NAALADL2: variants seen among roughly 807,000 people sequenced by gnomAD.
NAALADL2 encodes the protein inactive N-acetylated-alpha-linked acidic dipeptidase-like protein 2.
NAALADL2 carries 76 observed loss-of-function variants against 87.2 expected under a neutral mutation model. The observed-to-expected ratio is 0.87, with a 90% confidence interval of 0.72 to 1.05. NAALADL2 has a LOEUF of 1.05. Ranked by LOEUF, NAALADL2 falls within the 50% of genes least tolerant of loss-of-function variation. The pLI, the probability that NAALADL2 is intolerant of heterozygous loss-of-function variation, is 0.00. For missense variants in NAALADL2, 1,089 were observed against 945.8 expected (o/e 1.15, Z -1.99); for synonymous variants, 354 against 331.0 (o/e 1.07, Z -0.75).
At chr3:175,372,232 A>G (rs1180304316) in intron 5 of NAALADL2, among the ~76,000 whole-genome samples, 1 of 152,156 alleles carries the variant, frequency 6.6e-6, no homozygotes, top group Non-Finnish European at 1.5e-5. Flanking sequence ...AAGCTCCATC[A>G]TTACATTTTT....
chr3:174,452,904 T>C lies in NAALADL2; in HGVS notation c.-184+11872T>C, dbSNP rs994965990. 2.0e-5 allele frequency among the ~76,000 whole-genome samples: 3 copies of C among 152,160 alleles called. No individual in the cohort carries two copies. The South Asian group carries it at 6.2e-4, about 32-fold the overall frequency. Reference sequence around the variant, plus strand: ...CTTTTCTCCATATGATCACACTAGCTCTCCAGCAAGCGTTCTGAACTGGGA... The same window carrying C: ...CTTTTCTCCATATGATCACACTAGCCCTCCAGCAAGCGTTCTGAACTGGGA... On this transcript the variant is annotated intron_variant, in intron 1 of 3. Coordinates refer to the NAALADL2 transcript ENST00000434257.
chr3:175,111,395 T>C (rs1374737924), intron 2 of NAALADL2, among the ~76,000 whole-genome samples: 1 of 151,642 alleles, frequency 6.6e-6, no homozygotes, highest in Non-Finnish European at 1.5e-5. Flanking sequence ...TTTTTGGGTA[T>C]TAATATAACT....
intron 1 of NAALADL2, chr3:175,079,568 G>A (rs999294747): frequency 4.6e-5 from 7 of 152,110 alleles, no homozygotes; most frequent in Non-Finnish European, 7.4e-5. Context: ...TTGGATAAAG[G>A]CATCCAAATT....
chr3:175,005,648 A>G (rs1748907865), intron 1 of NAALADL2, among the ~76,000 whole-genome samples: 2 of 152,350 alleles, frequency 1.3e-5, no homozygotes, highest in South Asian at 2.1e-4. Context: ...ACACTCCTAT[A>G]TTATGAAATG....
At chr3:174,802,508 G>C (rs570879578) in intron 3 of NAALADL2, among the ~76,000 whole-genome samples, 1 of 152,212 alleles carries the variant, frequency 6.6e-6, no homozygotes. Context: ...TATACTTTAA[G>C]TTCTAGGGTA....
chr3:175,732,646 G>T (rs1743929325), intron 11 of NAALADL2, among the ~76,000 whole-genome samples: 1 of 152,126 alleles, frequency 6.6e-6, no homozygotes, highest in Non-Finnish European at 1.5e-5. Flanking sequence ...AAACACAGAA[G>T]TGTTGGGAGG....
intron 4 of NAALADL2, among the ~76,000 whole-genome samples, chr3:175,263,817 T>A (rs1437490222): frequency 1.3e-5 from 2 of 151,578 alleles, no homozygotes; most frequent in Non-Finnish European, 3.0e-5. Flanking sequence ...CCCCTAAAAG[T>A]ACCCATGTTT....
At chr3:174,775,927 C>A (rs1715158732) in intron 3 of NAALADL2, among the ~76,000 whole-genome samples, 1 of 152,118 alleles carries the variant, frequency 6.6e-6, no homozygotes, top group East Asian at 1.9e-4. Flanking sequence ...AAAATAAGCA[C>A]CTCTGAAAAA....
At position 175,467,715 on chromosome 3, in the gene NAALADL2, G is replaced by T. The variant is rs150851031; in HGVS notation, c.1533+531G>T. The stretch of plus-strand genomic sequence containing the variant: ...TCTCCCTACCTTCTGTCTCCTACCT[G>T]CCTATCTATTGCCTACCTACCTACC... On this transcript the variant is annotated intron_variant, in intron 8 of 13. Coordinates refer to ENST00000454872, the MANE Select transcript of NAALADL2 (RefSeq NM_207015.3). Among the ~76,000 whole-genome samples the T allele has an allele frequency of 1.2e-4, 18 of 151,894 alleles. No homozygotes were observed. In the East Asian group the frequency reaches 3.5e-3, roughly 29 times the overall value.
At chr3:175,057,496 T>G (rs924963711) in intron 1 of NAALADL2, among the ~76,000 whole-genome samples, 3 of 152,214 alleles carry the variant, frequency 2.0e-5, no homozygotes, top group Non-Finnish European at 1.5e-5. Flanking sequence ...CTTTTTGTAT[T>G]TTCCTCAACT....
At chr3:175,159,737 T>C (rs1412577757) in intron 2 of NAALADL2, among the ~76,000 whole-genome samples, 1 of 152,128 alleles carries the variant, frequency 6.6e-6, no homozygotes, top group African/African-American at 2.4e-5. Flanking sequence ...TTTGTTAAGA[T>C]TATTGAAGTA....
At chr3:174,658,425 A>G (rs1373999219) in intron 2 of NAALADL2, among the ~76,000 whole-genome samples, 1 of 151,986 alleles carries the variant, frequency 6.6e-6, no homozygotes, top group African/African-American at 2.4e-5. Context: ...TTCTTTGGTG[A>G]GGTGTCTATT....
intron 3 of NAALADL2, among the ~76,000 whole-genome samples, chr3:174,787,143 C>T (rs1716773627): frequency 6.6e-6 from 1 of 151,894 alleles, no homozygotes; most frequent in African/African-American, 2.4e-5. Flanking sequence ...TTTATGAATA[C>T]ATGAAATGAC....
chr3:174,855,775 T>TAC (rs10576439), upstream of NAALADL2, among the ~76,000 whole-genome samples: 7,150 of 135,518 alleles, frequency 0.053, 205 homozygotes, highest in African/African-American at 0.064. Context: ...AGGAGAGAAA[T>TAC]ACACACACAC....
chr3:174,664,530 T>G (rs1209892005), intron 2 of NAALADL2, among the ~76,000 whole-genome samples: 1 of 152,190 alleles, frequency 6.6e-6, no homozygotes, highest in African/African-American at 2.4e-5. Context: ...TCATAAATAT[T>G]TCATTCTTTG....
chr3:175,476,809 C>T (rs2862283), intron 9 of NAALADL2, among the ~76,000 whole-genome samples: 91,674 of 151,504 alleles, frequency 0.61, 29,802 homozygotes, highest in East Asian at 0.89. Context: ...AAAAACAACA[C>T]GTCTGACATT....
At chr3:174,927,499 A>G (rs959129876) in intron 1 of NAALADL2, among the ~76,000 whole-genome samples, 2 of 152,334 alleles carry the variant, frequency 1.3e-5, no homozygotes, top group East Asian at 1.9e-4. Flanking sequence ...AGAAATTATA[A>G]CAAACTGTCT....
intron 1 of NAALADL2, among the ~76,000 whole-genome samples, chr3:174,471,538 A>AT (rs1716906270): frequency 6.6e-6 from 1 of 150,708 alleles, no homozygotes. Flanking sequence ...ATTGTTTTCT[A>AT]TTTTTTTCTA....
intron 3 of NAALADL2, among the ~76,000 whole-genome samples, chr3:175,241,665 T>G (rs2109610039): frequency 6.6e-6 from 1 of 152,246 alleles, no homozygotes; most frequent in East Asian, 1.9e-4. Flanking sequence ...TGTACATAGT[T>G]AAATATTTGT....
Sources: allele counts gnomAD v4.1 joint callset (sites outside exome capture counted in the v4.1 genomes callset), GRCh38; gene constraint gnomAD v4.1.1; transcripts MANE v1.5; gene names NCBI Gene and HGNC (gene_info 2026-07-23, HGNC 2026-07-21).